Variants in HS3ST4 observed in about 807,000 individuals in gnomAD.
HS3ST4 encodes heparan sulfate glucosamine 3-O-sulfotransferase 4.
Under a neutral mutation model 29.2 loss-of-function variants are expected in HS3ST4, and 17 were observed. The ratio of observed to expected loss-of-function variants is 0.58; its 90% CI spans 0.40 to 0.87. The LOEUF is 0.87. HS3ST4 is among the 40% of genes least tolerant of loss of function. The probability of loss-of-function intolerance (pLI) is 0.00; values close to 1 mark genes in which losing one functional copy is unlikely to be tolerated. For synonymous variants in HS3ST4, 314 were observed against 285.7 expected, an observed-to-expected ratio of 1.10 and a Z score of -1.00; for missense variants, 627 against 634.5, an observed-to-expected ratio of 0.99 and a Z score of 0.13.
intron 1 of HS3ST4, among the ~76,000 whole-genome samples, chr16:25,950,880 G>A (rs116354746): frequency 5.1e-4 from 77 of 152,224 alleles, no homozygotes; most frequent in African/African-American, 1.8e-3. Flanking sequence ...GCTCAGCATG[G>A]GATAGGCACT....
intron 1 of HS3ST4, among the ~76,000 whole-genome samples, chr16:25,728,843 G>A (rs1966553640): frequency 6.6e-6 from 1 of 152,188 alleles, no homozygotes; most frequent in Admixed American, 6.6e-5. Flanking sequence ...GACACTTTGG[G>A]AGGCCAAGGC....
At chr16:25,805,550 C>T (rs1373523580) in intron 1 of HS3ST4, among the ~76,000 whole-genome samples, 5 of 152,108 alleles carry the variant, frequency 3.3e-5, no homozygotes, top group African/African-American at 1.2e-4. Flanking sequence ...GTATCGGCAA[C>T]TTTCACGGTG....
At chr16:25,873,392 A>ATCCATCCG (rs1567261387) in intron 1 of HS3ST4, among the ~76,000 whole-genome samples, 1 of 139,906 alleles carries the variant, frequency 7.1e-6, no homozygotes, top group Non-Finnish European at 1.5e-5. Context: ...CCATCCATCC[A>ATCCATCCG]TCCATCCATC....
intron 1 of HS3ST4, among the ~76,000 whole-genome samples, chr16:25,707,775 C>T (rs1448932628): frequency 1.3e-5 from 2 of 152,178 alleles, no homozygotes; most frequent in Non-Finnish European, 2.9e-5. Context: ...ATGGCCCTGC[C>T]CCAGGGCCTT....
chr16:25,922,448 C>T (rs1968363399), intron 1 of HS3ST4, among the ~76,000 whole-genome samples: 1 of 152,192 alleles, frequency 6.6e-6, no homozygotes, highest in Non-Finnish European at 1.5e-5. Flanking sequence ...TTGGGCTTCC[C>T]AGCCTCCAGA....
At position 26,073,685 on chromosome 16, in the gene HS3ST4, A is replaced by T. The variant is rs1366232385; in HGVS notation, c.735-61927A>T. 8.3e-5 allele frequency among the ~76,000 whole-genome samples: 11 copies of T among 131,932 alleles called. No homozygotes were observed. In the Admixed American group the frequency reaches 8.7e-4, roughly 10 times the overall value. 86.6% of individuals were successfully genotyped at this position (131,932 alleles called of 152,430 possible). ...ACCGGTCCTGGTCAGAACTTTTAAT[A>T]TCTAAATACCTTTAAAGCATCACAC... On this transcript the variant is annotated intron_variant, in intron 1 of 1. Coordinates refer to ENST00000331351, the MANE Select transcript of HS3ST4 (RefSeq NM_006040.3).
At chr16:25,862,159 TTACA>T (rs1967643765) in intron 1 of HS3ST4, among the ~76,000 whole-genome samples, 1 of 139,190 alleles carries the variant, frequency 7.2e-6, no homozygotes, top group Non-Finnish European at 1.5e-5. Flanking sequence ...TTTTATTTAT[TTACA>T]TATTTATTTA....
chr16:26,084,613 T>A (rs189599955), intron 1 of HS3ST4, among the ~76,000 whole-genome samples: 2,251 of 148,520 alleles, frequency 0.015, 44 homozygotes, highest in African/African-American at 0.044. Flanking sequence ...TTGAAAAAAA[T>A]TTTTTTTTTT....
At chr16:25,929,984 C>T (rs1280676977) in intron 1 of HS3ST4, among the ~76,000 whole-genome samples, 1 of 152,076 alleles carries the variant, frequency 6.6e-6, no homozygotes, top group Non-Finnish European at 1.5e-5. Flanking sequence ...GCCCCATTGT[C>T]TGTTATTCTC....
At chr16:25,960,250 C>A (rs953604841) in intron 1 of HS3ST4, among the ~76,000 whole-genome samples, 34 of 152,192 alleles carry the variant, frequency 2.2e-4, no homozygotes, top group African/African-American at 8.0e-4. Context: ...TGAGGCCTTA[C>A]CGGAAGCTGA....
chr16:25,692,430 C>G lies in HS3ST4; in HGVS notation c.13C>G (p.Pro5Ala), dbSNP rs1473435310. ...GCCGGGAGCCGCGATGGCCCGGTGG[C>G]CCGCACCTCCTCCGCCTCCGCCTCC... MARWPAPPPPPPPPP... is the reference protein window; with the variant it reads MARWAAPPPPPPPPP... The change falls in exon 1 of 2, where the codon CCC (proline) becomes GCC (alanine). Residue 5 changes from proline (P) to alanine (A), a missense_variant. Transcript: ENST00000331351. The G allele has an allele frequency of 2.6e-6, 3 of 1,139,626 alleles. No homozygotes were observed. The African/African-American group carries it at 5.0e-5, about 19-fold the overall frequency. 70.6% of individuals were successfully genotyped at this position (1,139,626 alleles called of 1,614,324 possible).
chr16:25,813,352 C>T (rs549902527), intron 1 of HS3ST4, among the ~76,000 whole-genome samples: 17 of 152,240 alleles, frequency 1.1e-4, no homozygotes, highest in South Asian at 4.2e-4. Flanking sequence ...GGGCCGGGTG[C>T]GGTGGCTCAC....
intron 1 of HS3ST4, among the ~76,000 whole-genome samples, chr16:25,932,881 G>C (rs141063179): frequency 6.6e-6 from 1 of 152,230 alleles, no homozygotes; most frequent in Non-Finnish European, 1.5e-5. Context: ...CAGGGAAGGT[G>C]AAATTTAGGT....
At chr16:25,837,769 CTTTA>C (rs781771728) in intron 1 of HS3ST4, among the ~76,000 whole-genome samples, 21 of 152,144 alleles carry the variant, frequency 1.4e-4, no homozygotes, top group East Asian at 5.8e-4. Flanking sequence ...TAAATCGTCA[CTTTA>C]TTTATTTATT....
intron 1 of HS3ST4, among the ~76,000 whole-genome samples, chr16:25,902,881 C>T (rs555802015): frequency 2.6e-5 from 4 of 151,978 alleles, no homozygotes; most frequent in Admixed American, 6.6e-5. Flanking sequence ...ATGGATTGCT[C>T]GAGCCCAGGA....
Position 26,054,269 on chromosome 16 carries a change from GGAGA to G in HS3ST4, c.735-81316_735-81313del, listed in dbSNP as rs58364733. 7.2e-3 allele frequency among the ~76,000 whole-genome samples: 966 copies of G among 133,670 alleles called. 9 individuals carry two copies. Among genetic ancestry groups the G allele is most frequent in the African/African-American group, 0.021 (737 of 35,048 alleles). 87.7% of individuals were successfully genotyped at this position (133,670 alleles called of 152,430 possible). The stretch of plus-strand genomic sequence containing the variant: ...GAAGGAGAGAGAGAGACAGAGAGAG[GGAGA>G]GAGAGAGAGAGAGAGAGAGAGAGAG... On this transcript the variant is annotated intron_variant, in intron 1 of 1. Transcript: ENST00000331351.
intron 1 of HS3ST4, among the ~76,000 whole-genome samples, chr16:25,804,991 A>C (rs1243001849): frequency 6.6e-6 from 1 of 152,038 alleles, no homozygotes; most frequent in Non-Finnish European, 1.5e-5. Flanking sequence ...GGGTACCCCA[A>C]CCTCAGGTGG....
intron 1 of HS3ST4, among the ~76,000 whole-genome samples, chr16:25,827,493 GTTAA>G (rs1257326763): frequency 1.4e-5 from 2 of 140,172 alleles, no homozygotes; most frequent in Admixed American, 1.5e-4. Flanking sequence ...AAAACTTACT[GTTAA>G]TTGTCAATGT....
chr16:25,746,972 C>G (rs574161735), intron 1 of HS3ST4, among the ~76,000 whole-genome samples: 31 of 152,156 alleles, frequency 2.0e-4, no homozygotes, highest in Non-Finnish European at 3.4e-4. Context: ...CCTCAGTCTC[C>G]CGAGTAGCTA....
Sources: allele counts gnomAD v4.1 joint callset (sites outside exome capture counted in the v4.1 genomes callset), GRCh38; gene constraint gnomAD v4.1.1; transcripts MANE v1.5; gene names NCBI Gene and HGNC (gene_info 2026-07-23, HGNC 2026-07-21).